The following ATL1 variants were observed in gnomAD, a reference collection of about 807,000 sequenced individuals.
The protein encoded by ATL1 is atlastin-1.
Under a neutral mutation model 75.5 loss-of-function variants are expected in ATL1, and 31 were observed. That is an observed-to-expected ratio of 0.41 (90% CI 0.31 to 0.55). The LOEUF is 0.55. ATL1 is among the 20% of genes least tolerant of loss of function. The probability of loss-of-function intolerance (pLI) is 0.27; values close to 1 mark genes in which losing one functional copy is unlikely to be tolerated. For synonymous variants in ATL1, 226 were observed against 233.3 expected, an observed-to-expected ratio of 0.97 and a Z score of 0.28; for missense variants, 405 against 662.6, an observed-to-expected ratio of 0.61 and a Z score of 4.27.
At chr14:50,571,336 G>A (rs2038953545) in intron 1 of ATL1, among the ~76,000 whole-genome samples, 1 of 152,136 alleles carries the variant, frequency 6.6e-6, no homozygotes, top group South Asian at 2.1e-4. Context: ...GGGAGATATG[G>A]GATGTGTAGC....
At chr14:50,593,756 A>G in intron 4 of ATL1, 90 bp from the exon 5 acceptor site, 1 of 829,020 alleles carries the variant, frequency 1.2e-6, no homozygotes, top group East Asian at 2.5e-5. Context: ...ATTTTGTGGT[A>G]ACTGATATTT....
chr14:50,592,476 A>G (rs2039167859), intron 4 of ATL1, among the ~76,000 whole-genome samples: 1 of 152,126 alleles, frequency 6.6e-6, no homozygotes, highest in Non-Finnish European at 1.5e-5. Context: ...GACAACCAAG[A>G]CAGGGTAAAC....
intron 8 of ATL1, among the ~76,000 whole-genome samples, chr14:50,616,404 C>T (rs2039415759): frequency 6.6e-6 from 1 of 152,120 alleles, no homozygotes; most frequent in Non-Finnish European, 1.5e-5. Flanking sequence ...TCACACAATC[C>T]TCCTGCTTCA....
At chr14:50,590,868 A>G in intron 2 of ATL1, 73 bp from the exon 3 acceptor site, 1 of 1,483,324 alleles carries the variant, frequency 6.7e-7, no homozygotes, top group Non-Finnish European at 9.4e-7. Flanking sequence ...GAGGGATAAG[A>G]ATCAGAATGA....
intron 1 of ATL1, among the ~76,000 whole-genome samples, chr14:50,535,087 T>G (rs1378077205): frequency 6.6e-6 from 1 of 152,226 alleles, no homozygotes; most frequent in Non-Finnish European, 1.5e-5. Context: ...TCATGCATTC[T>G]TAGTATCTTC....
intron 1 of ATL1, among the ~76,000 whole-genome samples, chr14:50,577,563 A>C (rs1392851664): frequency 6.6e-6 from 1 of 152,174 alleles, no homozygotes; most frequent in Non-Finnish European, 1.5e-5. Context: ...GTATATTCAG[A>C]GTATATTTAG....
intron 1 of ATL1, among the ~76,000 whole-genome samples, chr14:50,574,937 G>GTGTGTGTGTATA (rs1475087119): frequency 4.3e-5 from 1 of 23,156 alleles, no homozygotes; most frequent in Non-Finnish European, 7.8e-5. Flanking sequence ...GTGTGTGTGT[G>GTGTGTGTGTATA]TATATATATA....
chr14:50,626,143 C>G (rs2039518623), intron 11 of ATL1, among the ~76,000 whole-genome samples: 1 of 152,204 alleles, frequency 6.6e-6, no homozygotes, highest in Non-Finnish European at 1.5e-5. Flanking sequence ...TTCATGCCTG[C>G]TAACACAATA....
At chr14:50,561,349 C>T (rs2038842781) in intron 1 of ATL1, among the ~76,000 whole-genome samples, 2 of 152,206 alleles carry the variant, frequency 1.3e-5, no homozygotes, top group South Asian at 2.1e-4. Context: ...TTATCTGAAC[C>T]AGAGAATGTC....
intron 6 of ATL1, among the ~76,000 whole-genome samples, chr14:50,597,229 A>AAAAAAAAAG (rs1555364369): frequency 6.7e-6 from 1 of 149,942 alleles, no homozygotes; most frequent in African/African-American, 2.5e-5. Flanking sequence ...ACAAAAAAAA[A>AAAAAAAAAG]AAAAGAAAAA....
rs1344787853 is a variant in ATL1, at chr14:50,628,199, A to C, written c.1288A>C (p.Ile430Leu). The change falls in exon 12 of 14, where the codon ATC becomes CTC. Residue 430 changes from isoleucine to leucine, a missense_variant. By Grantham distance (5) the Ile-to-Leu change is conservative. This residue lies in a region of ATL1 where 163 missense variants were observed against 244.1 expected (regional missense o/e 0.67). Transcript: ENST00000358385. ...GGAGAGTGAAATAGATGAACTTTAC[A>C]TCCAATATATCAAGCACAATGATAG... ...QLESEIDELY[I>L]QYIKHNDSKN... The C allele has an allele frequency of 6.2e-6, 10 of 1,614,222 alleles. No homozygotes were observed. Among genetic ancestry groups the C allele is most frequent in the Non-Finnish European group, 5.1e-6 (6 of 1,180,038 alleles).
chr14:50,611,908 T>C (rs1027042202), intron 6 of ATL1, among the ~76,000 whole-genome samples: 3 of 152,138 alleles, frequency 2.0e-5, no homozygotes, highest in African/African-American at 2.4e-5. Flanking sequence ...AATTCTGCTT[T>C]AGTTATAAAC....
intron 1 of ATL1, among the ~76,000 whole-genome samples, chr14:50,569,601 A>G (rs990535284): frequency 3.3e-5 from 5 of 152,192 alleles, no homozygotes; most frequent in African/African-American, 1.2e-4. Context: ...AAATAATACT[A>G]CCTTTAATGA....
chr14:50,582,149 G>T (rs2039061520), intron 1 of ATL1, among the ~76,000 whole-genome samples: 1 of 151,802 alleles, frequency 6.6e-6, no homozygotes, highest in Non-Finnish European at 1.5e-5. Flanking sequence ...GGGCATGGTG[G>T]CACGTGCCTG....
At chr14:50,558,377 GATA>G (rs1282159962), upstream of ATL1, among the ~76,000 whole-genome samples, 1 of 152,112 alleles carries the variant, frequency 6.6e-6, no homozygotes, top group Non-Finnish European at 1.5e-5. Flanking sequence ...ACAAACAACA[GATA>G]ATGATTTTAA....
At chr14:50,541,236 A>G (rs1359629688) in intron 1 of ATL1, among the ~76,000 whole-genome samples, 1 of 152,242 alleles carries the variant, frequency 6.6e-6, no homozygotes, top group Non-Finnish European at 1.5e-5. Context: ...ATCATTCCAG[A>G]GGGACCTTTG....
intron 1 of ATL1, among the ~76,000 whole-genome samples, chr14:50,570,966 C>A (rs2038950144): frequency 6.6e-6 from 1 of 152,082 alleles, no homozygotes; most frequent in South Asian, 2.1e-4. Context: ...TGTGCCTTTC[C>A]CTGGGCAGTA....
At chr14:50,543,093 T>A (rs891387716) in intron 1 of ATL1, among the ~76,000 whole-genome samples, 1 of 152,216 alleles carries the variant, frequency 6.6e-6, no homozygotes, top group African/African-American at 2.4e-5. Flanking sequence ...TACAAGAAGA[T>A]CTGTTCTCCA....
intron 1 of ATL1, among the ~76,000 whole-genome samples, chr14:50,586,946 T>C (rs1284326996): frequency 6.6e-6 from 1 of 152,308 alleles, no homozygotes; most frequent in East Asian, 1.9e-4. Context: ...GAGAAAGATA[T>C]AGAAATCCTA....
Sources: allele counts gnomAD v4.1 joint callset (sites outside exome capture counted in the v4.1 genomes callset), GRCh38; gene constraint gnomAD v4.1.1; regional missense constraint gnomAD v4.1.1; transcripts MANE v1.5; gene names NCBI Gene and HGNC (gene_info 2026-07-23, HGNC 2026-07-21).